Variants in AGAP1 observed in about 807,000 individuals in gnomAD.
AGAP1 encodes the protein arf-GAP with GTPase, ANK repeat and PH domain-containing protein 1.
Under a neutral mutation model 105.3 loss-of-function variants are expected in AGAP1, and 29 were observed. The observed-to-expected ratio is 0.28, with a 90% CI of 0.21 to 0.38. The LOEUF (loss-of-function observed/expected upper bound fraction) is 0.38. Among genes scored for constraint, AGAP1 ranks in the 10% least tolerant of loss-of-function variants. The pLI, the probability that AGAP1 is intolerant of heterozygous loss-of-function variation, is 1.00. For synonymous variants in AGAP1, 509 were observed against 485.9 expected (o/e 1.05, Z -0.63); for missense variants, 998 against 1,165.1 (o/e 0.86, Z 2.09).
At chr2:235,924,694 G>T (rs76869702) in intron 11 of AGAP1, among the ~76,000 whole-genome samples, 3,142 of 152,264 alleles carry the variant, frequency 0.021, 117 homozygotes, top group African/African-American at 0.072. Context: ...TTCCCACAGG[G>T]TGACACCAGC....
chr2:235,522,608 G>A (rs560562556), intron 1 of AGAP1, among the ~76,000 whole-genome samples: 44 of 152,228 alleles, frequency 2.9e-4, no homozygotes, highest in Non-Finnish European at 5.0e-4. Context: ...GGACAATACT[G>A]GCCCTGATGA....
intron 13 of AGAP1, among the ~76,000 whole-genome samples, chr2:236,029,183 G>GTTTT (rs749576640): frequency 1.4e-5 from 2 of 144,348 alleles, no homozygotes; most frequent in African/African-American, 2.5e-5. Context: ...TTTTTATTTA[G>GTTTT]TTTTTTTTTT....
rs191797132 is a variant in AGAP1 at position 235,933,581 on chromosome 2, G to A, written c.1483+2658G>A. ...TGGAGTCTTGCTCTATTGGCAGGCT[G>A]GAGTGCAGTGGCGCGACCCCGGCTC... is the stretch of plus-strand genomic sequence containing the variant. On this transcript the variant is annotated intron_variant, in intron 12 of 17. Coordinates refer to ENST00000304032, the MANE Select transcript of AGAP1 (RefSeq NM_001037131.3). Among the ~76,000 whole-genome samples the A allele has an allele frequency of 6.4e-3, 958 of 148,890 alleles. 10 individuals are homozygous for A. The highest frequency in any genetic ancestry group is 0.023 in the African/African-American group (911 of 39,862).
At position 235,620,619 on chromosome 2, in the gene AGAP1, T is replaced by G. The variant is rs969053911; in HGVS notation, c.164-88560T>G. On this transcript the variant is annotated intron_variant, in intron 1 of 17. Transcript: ENST00000304032. This position sits in a 1 kb window ranked among gnomAD's most constrained non-coding sequence, Gnocchi z 4.5. The stretch of plus-strand genomic sequence containing the variant: ...TGGCCTTCCTCCCAGCCACAGCCCC[T>G]CCTCCTCACCTCCTCACCTGCTTCC... Among the ~76,000 whole-genome samples, 9 of 152,036 alleles carry G rather than the reference T, an allele frequency of 5.9e-5. No homozygotes were observed. Among genetic ancestry groups the G allele is most frequent in the East Asian group, 3.9e-4 (2 of 5,176 alleles).
Position 235,771,551 on chromosome 2 carries a change from C to T in AGAP1, c.673+21063C>T, listed in dbSNP as rs58447101. ...TGTGGAACTGGTGGCCGTGTGTTCACGTGACTTGAGAGCTCCATCTGCCCT... is the reference window on the plus strand; with the variant it reads ...TGTGGAACTGGTGGCCGTGTGTTCATGTGACTTGAGAGCTCCATCTGCCCT... On this transcript the variant is annotated intron_variant, in intron 6 of 17. Coordinates refer to ENST00000304032, the MANE Select transcript of AGAP1 (RefSeq NM_001037131.3). 3.6e-3 allele frequency among the ~76,000 whole-genome samples: 553 copies of T among 152,300 alleles called. 6 individuals are homozygous for T. The highest frequency in any genetic ancestry group is 0.013 in the African/African-American group (537 of 41,558).
At chr2:235,688,462 C>T (rs1258547693) in intron 1 of AGAP1, among the ~76,000 whole-genome samples, 1 of 152,178 alleles carries the variant, frequency 6.6e-6, no homozygotes, top group Non-Finnish European at 1.5e-5. Context: ...AGCCCCTCTA[C>T]TTCAGACAGA....
intron 1 of AGAP1, among the ~76,000 whole-genome samples, chr2:235,595,433 T>A (rs1945494666): frequency 6.6e-6 from 1 of 152,188 alleles, no homozygotes; most frequent in East Asian, 1.9e-4. Flanking sequence ...TTACTCTCAC[T>A]CCTGGGCCTG....
intron 1 of AGAP1, among the ~76,000 whole-genome samples, chr2:235,661,412 G>A (rs1389777555): frequency 6.6e-6 from 1 of 152,068 alleles, no homozygotes; most frequent in Non-Finnish European, 1.5e-5. Flanking sequence ...GTGTGGGCGG[G>A]AGGCAGGACA....
intron 6 of AGAP1, among the ~76,000 whole-genome samples, chr2:235,759,449 G>GCC (rs1954251752): frequency 1.3e-5 from 2 of 152,256 alleles, no homozygotes; most frequent in Admixed American, 6.5e-5. Flanking sequence ...GATTACAGGC[G>GCC]TGAGCCACCG....
chr2:236,065,182 T>C (rs1348636724), intron 16 of AGAP1, among the ~76,000 whole-genome samples: 1 of 152,192 alleles, frequency 6.6e-6, no homozygotes, highest in Non-Finnish European at 1.5e-5. Flanking sequence ...CAACACAGCA[T>C]TGGAAAAGGC....
In AGAP1 at chr2:235,631,702, C is replaced by CT. The variant is rs1303909926; in HGVS notation, c.164-77475dup. Among the ~76,000 whole-genome samples the CT allele has an allele frequency of 1.3e-5, 2 of 152,254 alleles. No individual in the cohort carries two copies. The highest frequency in any genetic ancestry group is 2.9e-5 in the Non-Finnish European group (2 of 68,052). On this transcript the variant is annotated intron_variant, in intron 1 of 17. Coordinates refer to ENST00000304032, the MANE Select transcript of AGAP1 (RefSeq NM_001037131.3). The surrounding 1 kb of genome is among the most constrained non-coding windows in gnomAD (Gnocchi z 5.4). ...ATGGCACGGGGGATAGCAGTATCTG[C>CT]TTCACATGGTCAGAAAATTCTGTGA...
At chr2:235,759,964 A>T (rs554791983) in intron 6 of AGAP1, among the ~76,000 whole-genome samples, 102 of 152,346 alleles carry the variant, frequency 6.7e-4, no homozygotes, top group African/African-American at 1.9e-3. Context: ...TTAGAAAAAA[A>T]TTAGTTTGGG....
chr2:236,013,724 G>C (rs1268075596), intron 13 of AGAP1, among the ~76,000 whole-genome samples: 3 of 152,212 alleles, frequency 2.0e-5, no homozygotes, highest in Non-Finnish European at 4.4e-5. Flanking sequence ...TTCTTCAGAA[G>C]GTGAATGACA....
intron 9 of AGAP1, among the ~76,000 whole-genome samples, chr2:235,858,285 T>G (rs1256751870): frequency 6.6e-6 from 1 of 152,200 alleles, no homozygotes; most frequent in Non-Finnish European, 1.5e-5. Flanking sequence ...AGTTAAAAAA[T>G]GTAAGAATAA....
At chr2:235,581,860 G>A (rs773893765) in intron 1 of AGAP1, among the ~76,000 whole-genome samples, 10 of 152,062 alleles carry the variant, frequency 6.6e-5, no homozygotes, top group Non-Finnish European at 1.3e-4. Context: ...CTGCAGTCAC[G>A]GGGACATTCT....
intron 1 of AGAP1, among the ~76,000 whole-genome samples, chr2:235,536,680 C>G (rs1012540604): frequency 6.7e-6 from 1 of 148,948 alleles, no homozygotes; most frequent in Admixed American, 6.7e-5. Context: ...CACACACACC[C>G]CTTGCTTATG....
At chr2:235,933,694 G>A (rs781696773) in intron 12 of AGAP1, among the ~76,000 whole-genome samples, 1 of 151,968 alleles carries the variant, frequency 6.6e-6, no homozygotes, top group Non-Finnish European at 1.5e-5. Context: ...CACCGTGCCC[G>A]GCTAATTTTT....
rs1479123165 is a variant in AGAP1, at chr2:235,981,470, CA to C, written c.1645+12848del. 6.6e-5 allele frequency among the ~76,000 whole-genome samples: 10 copies of C among 151,982 alleles called. No homozygotes were observed. Among genetic ancestry groups the C allele is most frequent in the African/African-American group, 2.4e-4 (10 of 41,500 alleles). ...ATGCGTACACACACACACACACACA[CA>C]CACGGTGTTATTTTTTTTCTTTCTG... is the stretch of plus-strand genomic sequence containing the variant. On this transcript the variant is annotated intron_variant, in intron 13 of 17. Transcript: ENST00000304032. This position sits in a 1 kb window ranked among gnomAD's most constrained non-coding sequence, Gnocchi z 5.5.
Position 235,883,133 on chromosome 2 carries a change from A to G in AGAP1, c.1051-212A>G, listed in dbSNP as rs573503150. ...ACCTTTAGGTGTTTCCTGTGTGTTTAGCAGTTAATTATCCAAAAGATCTAG... is the reference window on the plus strand; with the variant it reads ...ACCTTTAGGTGTTTCCTGTGTGTTTGGCAGTTAATTATCCAAAAGATCTAG... On this transcript the variant is annotated intron_variant, in intron 9 of 17. Transcript: ENST00000304032. This position sits in a 1 kb window ranked among gnomAD's most constrained non-coding sequence, Gnocchi z 4.5. Among the ~76,000 whole-genome samples, 3 of 152,164 alleles carry G rather than the reference A, an allele frequency of 2.0e-5. No individual in the cohort carries two copies. The highest frequency in any genetic ancestry group is 1.3e-4 in the Admixed American group (2 of 15,282).
Sources: allele counts gnomAD v4.1 joint callset (sites outside exome capture counted in the v4.1 genomes callset), GRCh38; gene constraint gnomAD v4.1.1; non-coding constraint Gnocchi (gnomAD v3.1); transcripts MANE v1.5; gene names NCBI Gene and HGNC (gene_info 2026-07-23, HGNC 2026-07-21).